Variants in PCDHA5 observed in about 807,000 individuals in gnomAD.
PCDHA5 encodes the protein protocadherin alpha 5, also known as protocadherin alpha-5.
PCDHA5 carries 43 observed loss-of-function variants against 61.6 expected under a neutral mutation model. That is an observed-to-expected ratio of 0.70 (90% CI 0.55 to 0.90). The LOEUF is 0.90. PCDHA5 is among the 40% of genes least tolerant of loss of function. The pLI is 0.00. For synonymous variants in PCDHA5, 627 were observed against 543.9 expected (o/e 1.15, Z -2.13); for missense variants, 1,298 against 1,222.7 (o/e 1.06, Z -0.92).
At chr5:140,875,375 A>C in intron 1 of PCDHA5, 2 of 1,456,838 alleles carry the variant, frequency 1.4e-6, no homozygotes, top group East Asian at 5.0e-5. Flanking sequence ...AATTTACTAA[A>C]TATGTACTTA....
At chr5:140,878,358 A>G (rs2057559820) in intron 1 of PCDHA5, among the ~76,000 whole-genome samples, 1 of 152,254 alleles carries the variant, frequency 6.6e-6, no homozygotes, top group Non-Finnish European at 1.5e-5. Context: ...TATAAATGAT[A>G]TGTCTGACAT....
At chr5:140,959,624 AAAAG>A (rs2095502972) in intron 1 of PCDHA5, among the ~76,000 whole-genome samples, 1 of 152,220 alleles carries the variant, frequency 6.6e-6, no homozygotes, top group Non-Finnish European at 1.5e-5. Context: ...GTGATAGAAA[AAAAG>A]AGAGAAAAAA....
chr5:140,883,151 A>G (rs1317370821), intron 1 of PCDHA5: 1 of 1,613,978 alleles, frequency 6.2e-7, no homozygotes, highest in Non-Finnish European at 8.5e-7. Flanking sequence ...TGCATTTACC[A>G]TAAATCCGAA....
chr5:140,934,346 G>T (rs941608404), intron 1 of PCDHA5, among the ~76,000 whole-genome samples: 1 of 152,130 alleles, frequency 6.6e-6, no homozygotes, highest in South Asian at 2.1e-4. Flanking sequence ...CACCAGTACA[G>T]TGTGGAGCCA....
At chr5:140,858,241 G>T in intron 1 of PCDHA5, 1 of 1,596,686 alleles carries the variant, frequency 6.3e-7, no homozygotes, top group Non-Finnish European at 8.6e-7. Context: ...GCGCATGTGG[G>T]CCGGTGAAGC....
chr5:140,884,514 C>T (rs368331245), intron 1 of PCDHA5: 3 of 1,614,176 alleles, frequency 1.9e-6, no homozygotes, highest in African/African-American at 1.3e-5. Context: ...GGGAGTTGGT[C>T]GTACTCGCAG....
chr5:140,963,907 A>C (rs1303006789), intron 1 of PCDHA5, among the ~76,000 whole-genome samples: 1 of 152,240 alleles, frequency 6.6e-6, no homozygotes, highest in Non-Finnish European at 1.5e-5. Flanking sequence ...AGTAAAGTGA[A>C]GCTTAGGCTA....
intron 1 of PCDHA5, chr5:140,847,447 T>C (rs1013186891): frequency 6.7e-6 from 1 of 149,786 alleles, no homozygotes; most frequent in Non-Finnish European, 1.5e-5. Context: ...CACTAAAATC[T>C]AGATTTAATT....
chr5:140,947,738 T>C (rs2153680991), intron 1 of PCDHA5, among the ~76,000 whole-genome samples: 1 of 151,740 alleles, frequency 6.6e-6, no homozygotes, highest in South Asian at 2.1e-4. Context: ...GTAATACCTA[T>C]TCTTATGTAT....
At chr5:140,828,617 G>T (rs2150157424) in intron 1 of PCDHA5, 3 of 1,614,158 alleles carry the variant, frequency 1.9e-6, no homozygotes, top group South Asian at 1.1e-5. Flanking sequence ...CAGTTCTAGC[G>T]AATACTTCGG....
intron 1 of PCDHA5, chr5:140,857,549 C>G (rs1554150197): frequency 6.3e-7 from 1 of 1,596,826 alleles, no homozygotes; most frequent in Admixed American, 1.7e-5. Flanking sequence ...GTTGGGCGAG[C>G]GCTCGCTGTC....
intron 1 of PCDHA5, among the ~76,000 whole-genome samples, chr5:140,960,080 A>G: frequency 6.6e-6 from 1 of 152,360 alleles, no homozygotes; most frequent in South Asian, 2.1e-4. Context: ...GAAGTTTCTA[A>G]AAGAGAAAGA....
chr5:140,900,080 A>G (rs62384484), intron 1 of PCDHA5, among the ~76,000 whole-genome samples: 49,691 of 152,040 alleles, frequency 0.33, 8,391 homozygotes, highest in East Asian at 0.53. Flanking sequence ...AAAGTGCTGC[A>G]GTTACAAGCA....
At chr5:140,835,918 C>T (rs1554135453) in intron 1 of PCDHA5, 3 of 1,612,332 alleles carry the variant, frequency 1.9e-6, no homozygotes, top group Non-Finnish European at 2.5e-6. Flanking sequence ...TCAGTGCACG[C>T]GGAGAGCGGC....
chr5:140,981,335 AG>A (rs2096927378), intron 2 of PCDHA5, among the ~76,000 whole-genome samples: 3 of 152,168 alleles, frequency 2.0e-5, no homozygotes, highest in Non-Finnish European at 4.4e-5. Context: ...GCACTTTGGG[AG>A]GGTGAGGCAG....
At position 140,883,732 on chromosome 5, in the gene PCDHA5, G is replaced by T. The variant is rs17844355; in HGVS notation, c.2352+59605G>T. The stretch of plus-strand genomic sequence containing the variant: ...AGGACGCGGACGCACAGGAGAACGC[G>T]CTGGTCTCCTACTCGCTGGTGGAGC... On this transcript the variant is annotated intron_variant, in intron 1 of 3. Transcript: ENST00000529859. The T allele has an allele frequency of 3.9e-4, 630 of 1,613,452 alleles. 2 individuals are homozygous for T. The East Asian group carries it at 0.013, about 33-fold the overall frequency.
chr5:140,834,254 G>T (rs1019839548), intron 1 of PCDHA5: 1 of 927,248 alleles, frequency 1.1e-6, no homozygotes, highest in Non-Finnish European at 1.6e-6. Context: ...CTGGAAAGAC[G>T]CTCCACTCTC....
chr5:140,912,918 G>A (rs1302662045), intron 1 of PCDHA5, among the ~76,000 whole-genome samples: 16 of 152,284 alleles, frequency 1.1e-4, no homozygotes, highest in Middle Eastern at 3.4e-3. Flanking sequence ...ATTGATTTGT[G>A]TATGTTGAAT....
At chr5:140,921,856 GTA>G (rs1295273364) in intron 1 of PCDHA5, among the ~76,000 whole-genome samples, 4 of 151,824 alleles carry the variant, frequency 2.6e-5, no homozygotes, top group Non-Finnish European at 5.9e-5. Flanking sequence ...AGATGTGTGT[GTA>G]TATATACAGT....
Sources: allele counts gnomAD v4.1 joint callset (sites outside exome capture counted in the v4.1 genomes callset), GRCh38; gene constraint gnomAD v4.1.1; transcripts MANE v1.5; gene names NCBI Gene and HGNC (gene_info 2026-07-23, HGNC 2026-07-21).